ASNS: variants seen among roughly 807,000 people sequenced by gnomAD.
ASNS encodes the protein asparagine synthetase [glutamine-hydrolyzing].
ASNS carries 37 observed loss-of-function variants against 62.6 expected under a neutral mutation model. The observed-to-expected ratio is 0.59, with a 90% CI of 0.45 to 0.78. The LOEUF (loss-of-function observed/expected upper bound fraction) is 0.78. ASNS is among the 30% of genes least tolerant of loss of function. The probability of loss-of-function intolerance (pLI) is 0.00; values close to 1 mark genes in which losing one functional copy is unlikely to be tolerated. For synonymous variants in ASNS, 207 were observed against 237.9 expected (o/e 0.87, Z 1.19); for missense variants, 520 against 682.4 (o/e 0.76, Z 2.65).
chr7:97,916,377 G>A, the ASNS span, among the ~76,000 whole-genome samples: 6 of 151,964 alleles, frequency 3.9e-5, no homozygotes, highest in Non-Finnish European at 7.4e-5. Flanking sequence ...GTGAAACTCC[G>A]TCTCAAAAAA....
At chr7:97,908,502 G>A in the ASNS span, 1 of 151,894 alleles carries the variant, frequency 6.6e-6, no homozygotes. Flanking sequence ...CCAGGCTTAA[G>A]CAATTCTCCT....
intron 3 of ASNS, 54 bp downstream of exon 3, chr7:97,868,854 C>A (rs112364408): frequency 1.2e-5 from 19 of 1,598,576 alleles, no homozygotes; most frequent in Non-Finnish European, 1.6e-5. Flanking sequence ...ATCATCGTAA[C>A]CAACAAACTC....
the ASNS span, among the ~76,000 whole-genome samples, chr7:97,923,903 G>T: frequency 2.6e-5 from 4 of 152,146 alleles, no homozygotes; most frequent in Non-Finnish European, 4.4e-5. Flanking sequence ...CCCTGGCAGG[G>T]ACCCCTGTCC....
the ASNS span, among the ~76,000 whole-genome samples, chr7:97,918,630 T>C: frequency 2.6e-5 from 4 of 151,566 alleles, no homozygotes; most frequent in Non-Finnish European, 4.4e-5. Context: ...TAAACACATA[T>C]GCAAATACAT....
chr7:97,908,589 A>G, the ASNS span, among the ~76,000 whole-genome samples: 22 of 152,022 alleles, frequency 1.4e-4, no homozygotes, highest in South Asian at 2.1e-4. Flanking sequence ...TTTAGTAGAG[A>G]TGGGGTTTCA....
In ASNS at chr7:97,861,085, G is replaced by A. The variant is rs1315509354; in HGVS notation, c.488-1687C>T. On this transcript the variant is annotated intron_variant, in intron 4 of 12. Transcript: ENST00000394308. ...CACTCAGGCTGGAGTGCAGTTGCGCGATCTCGGCTTACCGCAAGCTCCGTC... is the reference window on the plus strand; with the variant it reads ...CACTCAGGCTGGAGTGCAGTTGCGCAATCTCGGCTTACCGCAAGCTCCGTC... Among the ~76,000 whole-genome samples the A allele has an allele frequency of 5.5e-5, 8 of 145,456 alleles. 1 individual carries two copies. Among genetic ancestry groups the A allele is most frequent in the Admixed American group, 2.8e-4 (4 of 14,344 alleles).
At chr7:97,879,951 G>A in the ASNS span, among the ~76,000 whole-genome samples, 16 of 152,210 alleles carry the variant, frequency 1.1e-4, 1 homozygote, top group African/African-American at 3.6e-4. Flanking sequence ...ACCTGTCCTG[G>A]GAGACAGTTA....
chr7:97,870,347 T>C, intron 1 of ASNS: 1 of 379,320 alleles, frequency 2.6e-6, no homozygotes, highest in Non-Finnish European at 4.7e-6. Flanking sequence ...ATTTTGGTGT[T>C]TTTTTTAAAA....
chr7:97,856,722 G>C lies in ASNS; in HGVS notation c.998C>G (p.Thr333Ser). 1 of 1,613,194 alleles carries C rather than the reference G, an allele frequency of 6.2e-7. No homozygotes were observed. The highest frequency in any genetic ancestry group is 8.5e-7 in the Non-Finnish European group (1 of 1,179,578). The change falls in exon 8 of 13, where the codon ACT becomes AGT. Residue 333 changes from threonine to serine, a missense_variant. Thr to Ser is a moderately conservative substitution (Grantham distance 58). Transcript: ENST00000394308. Reference sequence around the variant, plus strand: ...AGCACGAACTGTTGTAATGTCATAAGTTTCCAAGGAAAATATGACTTCATC... The same window carrying C: ...AGCACGAACTGTTGTAATGTCATAACTTTCCAAGGAAAATATGACTTCATC... ...ALDEVIFSLE[T>S]YDITTVRASV...
the ASNS span, among the ~76,000 whole-genome samples, chr7:97,922,673 C>T: frequency 3.9e-4 from 59 of 152,332 alleles, 2 homozygotes; most frequent in South Asian, 0.01. Context: ...TCAATCACAT[C>T]ATGTTGTACC....
chr7:97,865,361 GAAGA>G (rs1791914697), intron 3 of ASNS, among the ~76,000 whole-genome samples: 1 of 152,084 alleles, frequency 6.6e-6, no homozygotes, highest in Admixed American at 6.6e-5. Context: ...TTTCAGGTGA[GAAGA>G]AACATCAGAA....
At chr7:97,859,139 A>G (rs901287731) in intron 5 of ASNS, 74 bp downstream of exon 5, 1 of 1,524,084 alleles carries the variant, frequency 6.6e-7, no homozygotes, top group Admixed American at 2.1e-5. Flanking sequence ...AATCATTCAA[A>G]TGATGGGAGA....
chr7:97,868,567 T>A (rs1030543212), intron 3 of ASNS, among the ~76,000 whole-genome samples: 1 of 148,886 alleles, frequency 6.7e-6, no homozygotes, highest in African/African-American at 2.5e-5. Context: ...CAAGCAACTA[T>A]GGCAAAACAT....
the ASNS span, among the ~76,000 whole-genome samples, chr7:97,895,546 C>G: frequency 6.6e-6 from 1 of 152,214 alleles, no homozygotes; most frequent in Non-Finnish European, 1.5e-5. Flanking sequence ...GTAATCCCAG[C>G]ACTTTGGGAG....
the ASNS span, among the ~76,000 whole-genome samples, chr7:97,919,980 TC>T: frequency 6.6e-6 from 1 of 151,384 alleles, no homozygotes; most frequent in East Asian, 1.9e-4. Flanking sequence ...GCCCCACAGC[TC>T]CCTTCTCTTC....
At chr7:97,866,629 G>A (rs771053125) in intron 3 of ASNS, among the ~76,000 whole-genome samples, 2 of 152,120 alleles carry the variant, frequency 1.3e-5, no homozygotes, top group Non-Finnish European at 2.9e-5. Flanking sequence ...GTTTAAATCA[G>A]GTGGAAATCC....
At chr7:97,902,740 C>A in the ASNS span, among the ~76,000 whole-genome samples, 183 of 152,110 alleles carry the variant, frequency 1.2e-3, no homozygotes, top group African/African-American at 4.2e-3. Flanking sequence ...ACAACAACAA[C>A]AACAAAAAAC....
the ASNS span, among the ~76,000 whole-genome samples, chr7:97,884,008 AT>A: frequency 1.9e-3 from 259 of 137,532 alleles, no homozygotes; most frequent in Non-Finnish European, 3.1e-3. Context: ...AAAAAAAAAA[AT>A]TATAAAAGGT....
the ASNS span, among the ~76,000 whole-genome samples, chr7:97,925,879 C>A: frequency 1.3e-3 from 201 of 152,244 alleles, 5 homozygotes; most frequent in South Asian, 0.015. Context: ...AGACTTGTCT[C>A]CCTCCAGGAA....
Sources: allele counts gnomAD v4.1 joint callset (sites outside exome capture counted in the v4.1 genomes callset), GRCh38; gene constraint gnomAD v4.1.1; transcripts MANE v1.5; gene names NCBI Gene and HGNC (gene_info 2026-07-23, HGNC 2026-07-21).